ZNF44: variants seen among roughly 807,000 people sequenced by gnomAD.
ZNF44 encodes gonadotropin inducible transcription repressor-2.
In ZNF44, 9 loss-of-function variants were observed where a neutral mutation model predicts 11.7. The observed-to-expected ratio is 0.77, with a 90% CI of 0.46 to 1.35. The LOEUF is 1.35. Ranked by LOEUF, ZNF44 falls within the 40% of genes most tolerant of loss-of-function variation. ZNF44 has a pLI of 0.00. For missense variants in ZNF44, 696 were observed against 743.1 expected, an observed-to-expected ratio of 0.94 and a Z score of 0.74; for synonymous variants, 224 against 242.7, an observed-to-expected ratio of 0.92 and a Z score of 0.72.
intron 1 of ZNF44, chr19:12,293,416 T>A (rs1435950703): frequency 1.1e-5 from 16 of 1,517,348 alleles, no homozygotes; most frequent in Admixed American, 2.0e-5. Flanking sequence ...CATCACCCTG[T>A]AAAGGACATA....
At chr19:12,247,950 T>C in exon 8 of ZNF44, 1 of 1,351,182 alleles carries the variant, frequency 7.4e-7, no homozygotes, top group Middle Eastern at 2.1e-4. Flanking sequence ...TTTGTAGGGT[T>C]TCTCTCCAGT....
At chr19:12,282,651 G>A (rs144006863) in intron 1 of ZNF44, among the ~76,000 whole-genome samples, 1 of 152,072 alleles carries the variant, frequency 6.6e-6, no homozygotes, top group South Asian at 2.1e-4. Flanking sequence ...TCGAATTTCT[G>A]ACCTGAGGTG....
intron 5 of ZNF44, among the ~76,000 whole-genome samples, chr19:12,251,818 G>A (rs886337356): frequency 2.0e-5 from 3 of 152,108 alleles, no homozygotes; most frequent in Admixed American, 1.3e-4. Flanking sequence ...TTGGGGGGCC[G>A]AGGCAGGCAG....
chr19:12,230,243 C>A (rs1353129183), intron 3 of ZNF44, among the ~76,000 whole-genome samples: 2 of 152,158 alleles, frequency 1.3e-5, no homozygotes, highest in Non-Finnish European at 2.9e-5. Flanking sequence ...TGTGGACTGG[C>A]AAGAAGAAGC....
upstream of ZNF44, among the ~76,000 whole-genome samples, chr19:12,238,787 C>G (rs1916499435): frequency 6.6e-6 from 1 of 152,144 alleles, no homozygotes; most frequent in Non-Finnish European, 1.5e-5. Context: ...CAGAGTAAGA[C>G]TTCATTTCAA....
chr19:12,293,376 C>A (rs1399713666), intron 1 of ZNF44: 3 of 1,535,862 alleles, frequency 2.0e-6, no homozygotes, highest in Non-Finnish European at 2.6e-6. Flanking sequence ...AACACAGGGC[C>A]TGGAAAAGAT....
chr19:12,259,598 G>T (rs539057023), intron 5 of ZNF44, among the ~76,000 whole-genome samples: 12 of 152,164 alleles, frequency 7.9e-5, no homozygotes, highest in African/African-American at 2.9e-4. Flanking sequence ...TACTCTGGGG[G>T]AGGGTGTGTC....
upstream of ZNF44, among the ~76,000 whole-genome samples, chr19:12,241,681 C>T (rs971230100): frequency 3.3e-5 from 5 of 152,184 alleles, no homozygotes; most frequent in East Asian, 1.9e-4. Flanking sequence ...GGCAACAGAG[C>T]GAGACTCCGT....
downstream of ZNF44, chr19:12,247,218 CA>C: frequency 9.4e-7 from 1 of 1,059,584 alleles, no homozygotes. Context: ...TATGAACTTT[CA>C]TATCAACTTT....
chr19:12,242,230 G>A (rs751214547), upstream of ZNF44, among the ~76,000 whole-genome samples: 7 of 152,028 alleles, frequency 4.6e-5, no homozygotes, highest in South Asian at 2.1e-4. Flanking sequence ...ATTAAAGGCC[G>A]GGTGCGGTGG....
At chr19:12,229,209 T>C (rs545687289) in intron 3 of ZNF44, among the ~76,000 whole-genome samples, 3 of 152,322 alleles carry the variant, frequency 2.0e-5, no homozygotes, top group Non-Finnish European at 2.9e-5. Context: ...ATATTTTTTT[T>C]CTCCTAATTT....
intron 5 of ZNF44, among the ~76,000 whole-genome samples, chr19:12,252,570 T>C (rs920877565): frequency 6.6e-6 from 1 of 152,144 alleles, no homozygotes; most frequent in African/African-American, 2.4e-5. Context: ...ATAAGTACAG[T>C]TTATGGATAA....
At position 12,272,367 on chromosome 19, in the gene ZNF44, T is replaced by C; in HGVS notation, c.*40A>G. The C allele has an allele frequency of 6.7e-7, 1 of 1,482,868 alleles. No homozygotes were observed. 91.9% of individuals were successfully genotyped at this position (1,482,868 alleles called of 1,614,324 possible). On this transcript the variant is annotated 3_prime_UTR_variant, in exon 4 of 4. Coordinates refer to ENST00000355684, the MANE Select transcript of ZNF44 (RefSeq NM_016264.4). ...GATTTATTTCTTTCAAGTATCTGAA[T>C]GTGATAAAACCAATGAATGCTTTCC...
chr19:12,226,325 A>T (rs956334401), exon 4 of ZNF44: 1 of 152,184 alleles, frequency 6.6e-6, no homozygotes, highest in African/African-American at 2.4e-5. Flanking sequence ...AGGTTCTAAG[A>T]TAACTTGGGA....
chr19:12,286,173 G>A (rs549184447), intron 1 of ZNF44, among the ~76,000 whole-genome samples: 131 of 152,200 alleles, frequency 8.6e-4, no homozygotes, highest in African/African-American at 2.8e-3. Flanking sequence ...TTTTTCCCCC[G>A]TTCATCCTTT....
chr19:12,279,802 G>C (rs1023909968), intron 1 of ZNF44, among the ~76,000 whole-genome samples: 1 of 125,728 alleles, frequency 8.0e-6, no homozygotes, highest in African/African-American at 3.4e-5. Flanking sequence ...ACAGATGTGA[G>C]CAACCAGTGG....
intron 1 of ZNF44, chr19:12,293,212 T>C (rs1169248528): frequency 6.5e-7 from 1 of 1,534,096 alleles, no homozygotes; most frequent in African/African-American, 1.4e-5. Context: ...AGAAGATTCC[T>C]CCCACCCCAG....
At chr19:12,261,413 C>G (rs1254884314) in intron 5 of ZNF44, among the ~76,000 whole-genome samples, 1 of 152,224 alleles carries the variant, frequency 6.6e-6, no homozygotes, top group African/African-American at 2.4e-5. Flanking sequence ...AGTGGAGGAT[C>G]GCTTGAGCCC....
chr19:12,241,132 A>G (rs1465217195), upstream of ZNF44, among the ~76,000 whole-genome samples: 1 of 152,228 alleles, frequency 6.6e-6, no homozygotes, highest in Non-Finnish European at 1.5e-5. Flanking sequence ...ATAAATGGCC[A>G]ACAACCACAT....
Sources: gnomAD v4.1 joint callset for allele counts (sites outside exome capture counted in the v4.1 genomes callset) on GRCh38, gnomAD v4.1.1 for gene constraint, MANE v1.5 for transcripts, NCBI Gene and HGNC (gene_info 2026-07-23, HGNC 2026-07-21) for gene names.